Variants in RHOQ observed in about 807,000 individuals in gnomAD.
RHOQ encodes the protein rho-related GTP-binding protein RhoQ.
RHOQ carries 7 observed loss-of-function variants against 25.8 expected under a neutral mutation model. That is an observed-to-expected ratio of 0.27 (90% CI 0.15 to 0.51). The LOEUF (loss-of-function observed/expected upper bound fraction) is 0.51. Among genes scored for constraint, RHOQ ranks in the 20% least tolerant of loss-of-function variants. The pLI is 0.97. For synonymous variants in RHOQ, 97 were observed against 98.6 expected, an observed-to-expected ratio of 0.98 and a Z score of 0.10; for missense variants, 165 against 260.6, an observed-to-expected ratio of 0.63 and a Z score of 2.53.
At chr2:46,568,348 A>C (rs1057343570) in intron 2 of RHOQ, 3 of 152,168 alleles carry the variant, frequency 2.0e-5, no homozygotes, top group Non-Finnish European at 4.4e-5. Context: ...CAACCTCCAG[A>C]AAGTATCCTT....
chr2:46,578,723 T>C (rs1669230914), intron 4 of RHOQ, among the ~76,000 whole-genome samples: 1 of 151,194 alleles, frequency 6.6e-6, no homozygotes, highest in Non-Finnish European at 1.5e-5. Context: ...GCCATTGCAC[T>C]CCAGCCTGGA....
chr2:46,570,447 TAAA>T (rs879866641), intron 2 of RHOQ, among the ~76,000 whole-genome samples: 1 of 117,880 alleles, frequency 8.5e-6, no homozygotes, highest in Non-Finnish European at 1.9e-5. Flanking sequence ...TCTCAAAAAA[TAAA>T]AAAAAAAAAA....
chr2:46,543,841 C>T (rs1667937583), intron 2 of RHOQ, 29 bp downstream of exon 2: 1 of 1,600,778 alleles, frequency 6.2e-7, no homozygotes, highest in African/African-American at 1.3e-5. Context: ...GGCCGACGCC[C>T]CCCTCCTGTT....
At chr2:46,560,636 AG>A (rs1558686613) in intron 2 of RHOQ, 1 of 456,284 alleles carries the variant, frequency 2.2e-6, no homozygotes, top group South Asian at 1.5e-5. Context: ...TCCAGTGGCC[AG>A]GATCTGTTGT....
rs988348102 is a variant in RHOQ at position 46,576,404 on chromosome 2, T to A, written c.366+153T>A. Among the ~76,000 whole-genome samples, 1 of 152,146 alleles carries A rather than the reference T, an allele frequency of 6.6e-6. No individual in the cohort carries two copies. Among genetic ancestry groups the A allele is most frequent in the African/African-American group, 2.4e-5 (1 of 41,444 alleles). Reference sequence around the variant, plus strand: ...AGTTCTATCATATTTTTGGAAAAAATTGTGCCAAAAGAAAGCAATTATTTT... The same window carrying A: ...AGTTCTATCATATTTTTGGAAAAAAATGTGCCAAAAGAAAGCAATTATTTT... On this transcript the variant is annotated intron_variant, in intron 3 of 4. Transcript: ENST00000238738. This position sits in a 1 kb window ranked among gnomAD's most constrained non-coding sequence, Gnocchi z 5.1.
At chr2:46,578,896 G>T (rs372250532) in intron 4 of RHOQ, among the ~76,000 whole-genome samples, 2 of 51,184 alleles carry the variant, frequency 3.9e-5, no homozygotes, top group South Asian at 5.8e-4. Flanking sequence ...CATTTCACTC[G>T]TGTGTGTGTG....
intron 2 of RHOQ, among the ~76,000 whole-genome samples, chr2:46,544,863 G>T (rs755476749): frequency 2.0e-5 from 3 of 152,198 alleles, no homozygotes; most frequent in Admixed American, 6.5e-5. Context: ...TGATCCCCTG[G>T]TGCAGATATT....
intron 2 of RHOQ, among the ~76,000 whole-genome samples, chr2:46,557,724 C>T (rs1023330740): frequency 2.0e-5 from 3 of 152,148 alleles, no homozygotes; most frequent in African/African-American, 4.8e-5. Context: ...AAATATTCCT[C>T]TTTACTTCTC....
chr2:46,579,843 CAA>C (rs34843228), intron 4 of RHOQ, among the ~76,000 whole-genome samples: 16 of 135,612 alleles, frequency 1.2e-4, no homozygotes, highest in Non-Finnish European at 1.5e-4. Context: ...GAAACTGTCT[CAA>C]AAAAAAAAAA....
Position 46,576,301 on chromosome 2 carries a change from C to T in RHOQ, c.366+50C>T, listed in dbSNP as rs781358448. The T allele has an allele frequency of 1.1e-5, 16 of 1,460,154 alleles. No individual in the cohort carries two copies. The highest frequency in any genetic ancestry group is 8.5e-5 in the African/African-American group (6 of 70,510). The allele number at this position is 1,460,154 out of a possible 1,614,324, so 90.4% of individuals were successfully genotyped here. ...TTTTAGAATAAGCTCTTTGGTCTGT[C>T]GTAGAGGCTGCTCTCAGACAAACAG... is the stretch of plus-strand genomic sequence containing the variant. On this transcript the variant is annotated intron_variant, in intron 3 of 4. Coordinates refer to ENST00000238738, the MANE Select transcript of RHOQ (RefSeq NM_012249.4). This position sits in a 1 kb window ranked among gnomAD's most constrained non-coding sequence, Gnocchi z 5.1.
In RHOQ at chr2:46,555,121, C is replaced by T. The variant is rs1013586359; in HGVS notation, c.201+11309C>T. 1.3e-5 allele frequency among the ~76,000 whole-genome samples: 2 copies of T among 152,238 alleles called. No homozygotes were observed. Among genetic ancestry groups the T allele is most frequent in the Non-Finnish European group, 2.9e-5 (2 of 68,050 alleles). On this transcript the variant is annotated intron_variant, in intron 2 of 4. Transcript: ENST00000238738. The surrounding 1 kb of genome is among the most constrained non-coding windows in gnomAD (Gnocchi z 4.3). ...TCCTTCGGACAGGGACTTCGTCCAACAGGCGAGAGCTTTGGGTATTCATCC... is the reference window on the plus strand; with the variant it reads ...TCCTTCGGACAGGGACTTCGTCCAATAGGCGAGAGCTTTGGGTATTCATCC...
chr2:46,543,704 G>C (rs920957315), intron 1 of RHOQ, 50 bp from the exon 2 acceptor site: 2 of 1,569,902 alleles, frequency 1.3e-6, no homozygotes, highest in Non-Finnish European at 1.7e-6. Context: ...TTGCCCCAGA[G>C]CCCAGGTCAC....
rs75477108 is a variant in RHOQ at position 46,556,037 on chromosome 2, C to T, written c.201+12225C>T. On this transcript the variant is annotated intron_variant, in intron 2 of 4. Coordinates refer to ENST00000238738, the MANE Select transcript of RHOQ (RefSeq NM_012249.4). The surrounding 1 kb of genome is among the most constrained non-coding windows in gnomAD (Gnocchi z 4.9). ...CTTTCATCACCCCAGAACGAAACCCCATACCCACCGACAGTCACTCCCCAC... is the reference window on the plus strand; with the variant it reads ...CTTTCATCACCCCAGAACGAAACCCTATACCCACCGACAGTCACTCCCCAC... 3.8e-3 allele frequency among the ~76,000 whole-genome samples: 584 copies of T among 152,268 alleles called. 8 individuals carry two copies. In the South Asian group the frequency reaches 0.041, roughly 11 times the overall value.
At chr2:46,558,178 G>T (rs888110035) in intron 2 of RHOQ, among the ~76,000 whole-genome samples, 1 of 152,136 alleles carries the variant, frequency 6.6e-6, no homozygotes, top group African/African-American at 2.4e-5. Context: ...AGCTGGGCTG[G>T]TGCCTCTTGC....
In RHOQ at chr2:46,576,283, A is replaced by G. The variant is rs759737508; in HGVS notation, c.366+32A>G. 6.3e-7 allele frequency: 1 copy of G among 1,576,006 alleles called. No homozygotes were observed. The highest frequency in any genetic ancestry group is 8.7e-7 in the Non-Finnish European group (1 of 1,152,298). On this transcript the variant is annotated intron_variant, in intron 3 of 4. Transcript: ENST00000238738. This position sits in a 1 kb window ranked among gnomAD's most constrained non-coding sequence, Gnocchi z 5.1. Reference sequence around the variant, plus strand: ...CTGGTTTGATTTTCTGCATTTTAGAATAAGCTCTTTGGTCTGTCGTAGAGG... The same window carrying G: ...CTGGTTTGATTTTCTGCATTTTAGAGTAAGCTCTTTGGTCTGTCGTAGAGG...
At chr2:46,570,301 A>G (rs1668870798) in intron 2 of RHOQ, among the ~76,000 whole-genome samples, 1 of 152,096 alleles carries the variant, frequency 6.6e-6, no homozygotes, top group Admixed American at 6.6e-5. Context: ...TTAGCCAGCC[A>G]TGGTGGCAGG....
chr2:46,559,881 G>A (rs937398991), intron 2 of RHOQ, among the ~76,000 whole-genome samples: 2 of 152,322 alleles, frequency 1.3e-5, no homozygotes, highest in Admixed American at 6.5e-5. Context: ...AGTGAAAGAA[G>A]CAGAGTGTTG....
At position 46,581,341 on chromosome 2, in the gene RHOQ, T is replaced by C; in HGVS notation, c.*258T>C. 7.4e-7 allele frequency: 1 copy of C among 1,359,152 alleles called. No individual in the cohort carries two copies. Among genetic ancestry groups the C allele is most frequent in the Non-Finnish European group, 9.9e-7 (1 of 1,014,208 alleles). 84.2% of individuals were successfully genotyped at this position (1,359,152 alleles called of 1,614,324 possible). ...GTACAATCTCTCAGGGGTTTCATAG[T>C]TTAAAAAGCTACAATCACATCATGT... On this transcript the variant is annotated 3_prime_UTR_variant, in exon 5 of 5. Coordinates refer to ENST00000238738, the MANE Select transcript of RHOQ (RefSeq NM_012249.4).
intron 2 of RHOQ, among the ~76,000 whole-genome samples, chr2:46,561,163 A>G (rs982987246): frequency 3.3e-5 from 5 of 152,014 alleles, no homozygotes; most frequent in African/African-American, 1.2e-4. Context: ...CACCTTTGAT[A>G]TATATGTGTG....
Sources: allele counts gnomAD v4.1 joint callset (sites outside exome capture counted in the v4.1 genomes callset), GRCh38; gene constraint gnomAD v4.1.1; non-coding constraint Gnocchi (gnomAD v3.1); transcripts MANE v1.5; gene names NCBI Gene and HGNC (gene_info 2026-07-23, HGNC 2026-07-21).